SANBR: variants seen among roughly 807,000 people sequenced by gnomAD.
The protein encoded by SANBR is SANT and BTB domain regulator of class switch recombination.
In SANBR, 77 loss-of-function variants were observed where a neutral mutation model predicts 101.8. That is an observed-to-expected ratio of 0.76 (90% CI 0.63 to 0.91). The LOEUF is 0.91. Among genes scored for constraint, SANBR ranks in the 40% least tolerant of loss-of-function variants. The pLI is 0.00. For missense variants in SANBR, 875 were observed against 853.0 expected (o/e 1.03, Z -0.32); for synonymous variants, 279 against 274.7 (o/e 1.02, Z -0.15).
At chr2:61,077,223 C>A in intron 6 of SANBR, 65 bp downstream of exon 6, 4 of 1,149,486 alleles carry the variant, frequency 3.5e-6, no homozygotes, top group Admixed American at 1.9e-5. Flanking sequence ...TTTCTTCAGG[C>A]CAAAAGTGAA....
At chr2:61,096,980 CCTGT>C (rs1424796208) in intron 11 of SANBR, among the ~76,000 whole-genome samples, 2 of 152,036 alleles carry the variant, frequency 1.3e-5, no homozygotes, top group African/African-American at 4.8e-5. Context: ...ATGGCAAAAC[CCTGT>C]CTCTACTAAA....
In SANBR at chr2:61,121,144, T is replaced by C. The variant is rs1445137628; in HGVS notation, c.2029-41T>C. ...CATTTTAATAAAGCAGAGCTTCTAT[T>C]GATTCTGTGAAGATAACAGTATTGC... On this transcript the variant is annotated intron_variant, in intron 20 of 21. Coordinates refer to ENST00000402291, the MANE Select transcript of SANBR (RefSeq NM_001129993.3). 5 of 1,333,142 alleles carry C rather than the reference T, an allele frequency of 3.8e-6. No individual in the cohort carries two copies. The East Asian group carries it at 1.3e-4, about 34-fold the overall frequency. 82.6% of individuals were successfully genotyped at this position (1,333,142 alleles called of 1,614,324 possible). A position where few individuals can be genotyped will look rare whatever the true frequency, so the allele number is the denominator to read the frequency against.
chr2:61,098,721 G>A (rs562379498), intron 12 of SANBR, among the ~76,000 whole-genome samples: 4 of 152,168 alleles, frequency 2.6e-5, no homozygotes, highest in Non-Finnish European at 4.4e-5. Context: ...TAAATGTCAC[G>A]TGTGAATGAA....
At chr2:61,082,003 G>A (rs1450492069) in intron 7 of SANBR, among the ~76,000 whole-genome samples, 1 of 151,852 alleles carries the variant, frequency 6.6e-6, no homozygotes, top group Non-Finnish European at 1.5e-5. Context: ...GACTCTTTGG[G>A]GTTTGTACTA....
At chr2:61,130,752 G>A (rs1029678707) in intron 20 of SANBR, among the ~76,000 whole-genome samples, 2 of 151,270 alleles carry the variant, frequency 1.3e-5, no homozygotes, top group African/African-American at 4.9e-5. Flanking sequence ...TTCGACACCA[G>A]CCTGGACAAC....
At chr2:61,126,769 C>CA (rs34858449), downstream of SANBR, among the ~76,000 whole-genome samples, 558 of 109,088 alleles carry the variant, frequency 5.1e-3, 2 homozygotes, top group Middle Eastern at 0.014. Flanking sequence ...GCCACTGTCT[C>CA]AAAAAAAAAA....
At chr2:61,094,874 A>AAG (rs1203589473) in intron 11 of SANBR, among the ~76,000 whole-genome samples, 1 of 151,936 alleles carries the variant, frequency 6.6e-6, no homozygotes, top group Non-Finnish European at 1.5e-5. Context: ...CAAACTCCTG[A>AAG]CCTCAGGTGA....
intron 20 of SANBR, among the ~76,000 whole-genome samples, chr2:61,129,558 T>G (rs1253208438): frequency 6.6e-6 from 1 of 152,130 alleles, no homozygotes; most frequent in African/African-American, 2.4e-5. Context: ...TTAACTAATT[T>G]TAAAAAGCAA....
At position 61,133,945 on chromosome 2, in the gene SANBR, G is replaced by T. The variant is rs1684765760; in HGVS notation, c.2029-192G>T. ...AAATGGGCGAATTGTATGATATGTG[G>T]ATTATATTGCAAGAAAACTGTTTCA... On this transcript the variant is annotated intron_variant, in intron 20 of 21. Coordinates refer to the SANBR transcript ENST00000295031. Among the ~76,000 whole-genome samples the T allele has an allele frequency of 2.0e-5, 3 of 152,144 alleles. No individual in the cohort carries two copies. The South Asian group carries it at 6.2e-4, about 31-fold the overall frequency.
chr2:61,085,879 T>C (rs142926691), intron 8 of SANBR, among the ~76,000 whole-genome samples: 47 of 152,290 alleles, frequency 3.1e-4, no homozygotes, highest in African/African-American at 1.1e-3. Context: ...TTCTCAAGTT[T>C]TGCCTATCTT....
At chr2:61,106,705 T>A in intron 14 of SANBR, 43 bp downstream of exon 14, 1 of 1,126,616 alleles carries the variant, frequency 8.9e-7, no homozygotes, top group Non-Finnish European at 1.3e-6. Flanking sequence ...ACATAAATAA[T>A]TAATGACATT....
intron 12 of SANBR, among the ~76,000 whole-genome samples, chr2:61,099,143 C>G (rs1311919232): frequency 1.3e-5 from 2 of 152,174 alleles, no homozygotes; most frequent in Non-Finnish European, 2.9e-5. Context: ...ATGCATAGTT[C>G]AAGACAAGGC....
chr2:61,066,154 A>G (rs144598678), intron 1 of SANBR, 127 bp downstream of exon 1: 9,567 of 152,632 alleles, frequency 0.063, 1,050 homozygotes, highest in African/African-American at 0.22. Context: ...CCACTTGCCC[A>G]AACGCCCCCG....
At chr2:61,080,558 T>G (rs1373223164) in intron 6 of SANBR, among the ~76,000 whole-genome samples, 1 of 152,020 alleles carries the variant, frequency 6.6e-6, no homozygotes, top group African/African-American at 2.4e-5. Context: ...CTGTCTCTAC[T>G]AAAAATACAA....
intron 20 of SANBR, 43 bp from the exon 21 acceptor site, chr2:61,121,142 A>G (rs1012246003): frequency 5.3e-5 from 70 of 1,323,112 alleles, no homozygotes; most frequent in Admixed American, 2.3e-4. Flanking sequence ...CAGAGCTTCT[A>G]TTGATTCTGT....
chr2:61,135,338 C>G (rs1293065198), intron 21 of SANBR, among the ~76,000 whole-genome samples: 1 of 152,120 alleles, frequency 6.6e-6, no homozygotes, highest in Non-Finnish European at 1.5e-5. Context: ...CATATAATAC[C>G]ATAAGTATAT....
chr2:61,124,388 G>C (rs1684452920), downstream of SANBR: 1 of 480,482 alleles, frequency 2.1e-6, no homozygotes, highest in South Asian at 9.0e-5. Flanking sequence ...CTGCTACAAG[G>C]TGAAATTTTT....
intron 7 of SANBR, 146 bp from the exon 8 acceptor site, chr2:61,083,008 T>C: frequency 1.6e-6 from 1 of 628,536 alleles, no homozygotes; most frequent in Non-Finnish European, 2.8e-6. Context: ...ACAGTACAGA[T>C]TAAGTCAAAA....
At chr2:61,075,385 G>A (rs371841339) in intron 5 of SANBR, among the ~76,000 whole-genome samples, 26 of 152,254 alleles carry the variant, frequency 1.7e-4, no homozygotes, top group South Asian at 1.2e-3. Context: ...AGCCTCCTGA[G>A]TAGCTGGGAC....
Sources: gnomAD v4.1 joint callset for allele counts (sites outside exome capture counted in the v4.1 genomes callset) on GRCh38, gnomAD v4.1.1 for gene constraint, MANE v1.5 for transcripts, NCBI Gene and HGNC (gene_info 2026-07-23, HGNC 2026-07-21) for gene names.